The following CDH18 variants were observed in gnomAD, a reference collection of about 807,000 sequenced individuals.
CDH18 encodes cadherin 18, also known as cadherin-18.
Under a neutral mutation model 67.9 loss-of-function variants are expected in CDH18, and 31 were observed. That is an observed-to-expected ratio of 0.46 (90% CI 0.34 to 0.62). The LOEUF (loss-of-function observed/expected upper bound fraction) is 0.62. CDH18 is among the 20% of genes least tolerant of loss of function. The pLI, the probability that CDH18 is intolerant of heterozygous loss-of-function variation, is 0.01. For synonymous variants in CDH18, 362 were observed against 347.2 expected (o/e 1.04, Z -0.48); for missense variants, 890 against 975.5 (o/e 0.91, Z 1.17).
rs60858438 is a variant in CDH18, at chr5:20,573,806, A to AATATATAT, written c.-580+1648_-580+1655dup. On this transcript the variant is annotated intron_variant, in intron 1 of 14. Coordinates refer to the CDH18 transcript ENST00000507958. ...TCCCCCAAATATAATACTTAAAAGA[A>AATATATAT]ATATATATATATATATATATATATA... 2.7e-3 allele frequency among the ~76,000 whole-genome samples: 320 copies of AATATATAT among 118,506 alleles called. 31 individuals are homozygous for AATATATAT. The highest frequency in any genetic ancestry group is 8.0e-3 in the East Asian group (24 of 2,984). The allele number at this position is 118,506 out of a possible 152,430, so 77.7% of individuals were successfully genotyped here.
chr5:20,005,519 T>A (rs1736829094), intron 2 of CDH18, among the ~76,000 whole-genome samples: 1 of 151,788 alleles, frequency 6.6e-6, no homozygotes, highest in African/African-American at 2.4e-5. Context: ...ACATTAAACT[T>A]AGGAGACTGT....
intron 2 of CDH18, among the ~76,000 whole-genome samples, chr5:20,074,245 C>T (rs183947704): frequency 7.2e-5 from 11 of 152,120 alleles, no homozygotes; most frequent in African/African-American, 1.9e-4. Flanking sequence ...TGCCTGTTAC[C>T]GTAATATCTA....
chr5:20,060,285 T>C (rs1183659368), intron 2 of CDH18, among the ~76,000 whole-genome samples: 2 of 151,908 alleles, frequency 1.3e-5, no homozygotes, highest in African/African-American at 4.8e-5. Flanking sequence ...GCCAACATGA[T>C]GAAACCCCGT....
intron 10 of CDH18, among the ~76,000 whole-genome samples, chr5:19,513,372 T>C (rs1561238363): frequency 6.6e-6 from 1 of 152,172 alleles, no homozygotes; most frequent in Admixed American, 6.6e-5. Flanking sequence ...CATTGTAATA[T>C]ACAATTGGCT....
At chr5:20,537,287 G>T (rs1756778800) in intron 1 of CDH18, among the ~76,000 whole-genome samples, 1 of 152,064 alleles carries the variant, frequency 6.6e-6, no homozygotes. Flanking sequence ...TTTATATTGA[G>T]TTGCAACAAA....
chr5:20,021,981 C>G (rs1580057418), intron 2 of CDH18, among the ~76,000 whole-genome samples: 1 of 152,244 alleles, frequency 6.6e-6, no homozygotes, highest in East Asian at 1.9e-4. Context: ...AGAAAATAAC[C>G]ACCTTAGAAA....
At chr5:20,280,879 G>C (rs1023738981) in intron 1 of CDH18, among the ~76,000 whole-genome samples, 3 of 152,170 alleles carry the variant, frequency 2.0e-5, no homozygotes, top group African/African-American at 7.2e-5. Context: ...GTTGTTTCCT[G>C]ACTTTTAAAT....
At chr5:20,332,058 T>C (rs563217744) in intron 1 of CDH18, among the ~76,000 whole-genome samples, 3 of 152,312 alleles carry the variant, frequency 2.0e-5, no homozygotes, top group African/African-American at 7.2e-5. Flanking sequence ...AGATTGTTTT[T>C]GTTTAGCCAA....
intron 2 of CDH18, among the ~76,000 whole-genome samples, chr5:20,144,198 G>A (rs1230373228): frequency 3.9e-5 from 6 of 151,926 alleles, no homozygotes; most frequent in Admixed American, 1.3e-4. Flanking sequence ...AGACTTCCAC[G>A]GACAGCCTGG....
chr5:19,945,735 T>G (rs571360679), intron 2 of CDH18, among the ~76,000 whole-genome samples: 1 of 152,028 alleles, frequency 6.6e-6, no homozygotes, highest in African/African-American at 2.4e-5. Context: ...CAACAAACCA[T>G]GCTGGATGTC....
At chr5:19,721,571 G>A in intron 4 of CDH18, 105 bp from the exon 5 acceptor site, 1 of 884,128 alleles carries the variant, frequency 1.1e-6, no homozygotes, top group Admixed American at 2.6e-5. Context: ...GATCAGTACT[G>A]GTTGTGTCCT....
intron 2 of CDH18, among the ~76,000 whole-genome samples, chr5:19,865,184 G>C (rs1213098660): frequency 1.3e-5 from 2 of 151,990 alleles, no homozygotes; most frequent in Admixed American, 6.6e-5. Flanking sequence ...CACTTGCTGT[G>C]GGAACTCTGA....
At chr5:20,056,933 T>C (rs1742044675) in intron 2 of CDH18, among the ~76,000 whole-genome samples, 1 of 151,294 alleles carries the variant, frequency 6.6e-6, no homozygotes, top group African/African-American at 2.4e-5. Context: ...GATCAGCCCG[T>C]CTCGGCCTCC....
chr5:19,884,128 T>G (rs993856271), intron 2 of CDH18, among the ~76,000 whole-genome samples: 1 of 152,124 alleles, frequency 6.6e-6, no homozygotes, highest in African/African-American at 2.4e-5. Context: ...TATTTTCAAC[T>G]GACAGTCAAT....
intron 2 of CDH18, among the ~76,000 whole-genome samples, chr5:20,242,649 T>C (rs1400175846): frequency 1.1e-3 from 45 of 39,460 alleles, no homozygotes; most frequent in South Asian, 3.1e-3. Context: ...TATATATATA[T>C]ATGTAAATGG....
intron 2 of CDH18, among the ~76,000 whole-genome samples, chr5:20,145,246 G>A (rs1013488982): frequency 2.0e-5 from 3 of 152,018 alleles, no homozygotes; most frequent in Non-Finnish European, 4.4e-5. Context: ...CATTGATGAA[G>A]TATTCTAATA....
intron 5 of CDH18, among the ~76,000 whole-genome samples, chr5:19,689,760 C>T (rs1761598026): frequency 6.6e-6 from 1 of 151,712 alleles, no homozygotes; most frequent in African/African-American, 2.4e-5. Flanking sequence ...ATGAATAAGT[C>T]CTCAAATATC....
intron 1 of CDH18, among the ~76,000 whole-genome samples, chr5:20,554,434 T>C (rs1430859920): frequency 2.0e-5 from 3 of 152,248 alleles, no homozygotes; most frequent in Non-Finnish European, 4.4e-5. Flanking sequence ...TTTTCTCTAT[T>C]TCCTCACCTC....
At chr5:19,749,612 G>A (rs1178289074) in intron 3 of CDH18, among the ~76,000 whole-genome samples, 1 of 150,762 alleles carries the variant, frequency 6.6e-6, no homozygotes, top group Non-Finnish European at 1.5e-5. Flanking sequence ...GATATTTAAA[G>A]AAGAATAGGC....
Sources: gnomAD v4.1 joint callset for allele counts (sites outside exome capture counted in the v4.1 genomes callset) on GRCh38, gnomAD v4.1.1 for gene constraint, MANE v1.5 for transcripts, NCBI Gene and HGNC (gene_info 2026-07-23, HGNC 2026-07-21) for gene names.